The following PLXDC2 variants were observed in gnomAD, a reference collection of about 807,000 sequenced individuals.
PLXDC2 encodes the protein plexin domain containing 2.
A neutral mutation model predicts 68.9 loss-of-function variants in PLXDC2; 40 were observed. That is an observed-to-expected ratio of 0.58 (90% CI 0.45 to 0.76). The LOEUF (loss-of-function observed/expected upper bound fraction) is 0.76. Among genes scored for constraint, PLXDC2 ranks in the 30% least tolerant of loss-of-function variants. PLXDC2 has a pLI of 0.00. For synonymous variants in PLXDC2, 243 were observed against 234.2 expected, an observed-to-expected ratio of 1.04 and a Z score of -0.34; for missense variants, 644 against 661.9, an observed-to-expected ratio of 0.97 and a Z score of 0.30.
chr10:20,075,002 C>G (rs894017646), intron 4 of PLXDC2, among the ~76,000 whole-genome samples: 1 of 152,060 alleles, frequency 6.6e-6, no homozygotes, highest in Admixed American at 6.6e-5. Context: ...GTTACAAACT[C>G]AAGTCTCAAG....
At chr10:19,850,605 C>A (rs10827890) in intron 1 of PLXDC2, among the ~76,000 whole-genome samples, 6 of 152,018 alleles carry the variant, frequency 3.9e-5, no homozygotes, top group Non-Finnish European at 8.8e-5. Flanking sequence ...ACTTACACAC[C>A]CATACTAAGA....
intron 1 of PLXDC2, among the ~76,000 whole-genome samples, chr10:19,991,347 C>CT (rs35216913): frequency 0.42 from 56,267 of 135,288 alleles, 11,938 homozygotes; most frequent in African/African-American, 0.53. Flanking sequence ...ATCATTTTCC[C>CT]TTTTTTTTTT....
chr10:20,205,296 G>C (rs376260559), intron 9 of PLXDC2, among the ~76,000 whole-genome samples: 1 of 152,188 alleles, frequency 6.6e-6, no homozygotes, highest in South Asian at 2.1e-4. Flanking sequence ...TTGAAGTACT[G>C]TATAGCTCTC....
At position 20,014,374 on chromosome 10, in the gene PLXDC2, CCTTCCTTG is replaced by C. The variant is rs1414178417; in HGVS notation, c.324+12396_324+12403del. Reference sequence around the variant, plus strand: ...CTTCCCTTTCCTTCCTTCCTTCCTTCCTTCCTTGCTTCCTTCCTTCCTTCCTTCCTTCC... The same window carrying C: ...CTTCCCTTTCCTTCCTTCCTTCCTTCCTTCCTTCCTTCCTTCCTTCCTTCC... On this transcript the variant is annotated intron_variant, in intron 2 of 13. Coordinates refer to ENST00000377252, the MANE Select transcript of PLXDC2 (RefSeq NM_032812.9). Among the ~76,000 whole-genome samples the C allele has an allele frequency of 3.8e-3, 265 of 69,284 alleles. 2 individuals carry two copies. Among genetic ancestry groups the C allele is most frequent in the African/African-American group, 0.011 (231 of 21,018 alleles). The allele number at this position is 69,284 out of a possible 152,430, so 45.5% of individuals were successfully genotyped here. A position where few individuals can be genotyped will look rare whatever the true frequency, so the allele number is the denominator to read the frequency against.
chr10:20,128,410 C>A (rs1434773107), intron 4 of PLXDC2, among the ~76,000 whole-genome samples: 6 of 152,052 alleles, frequency 3.9e-5, no homozygotes, highest in Non-Finnish European at 8.8e-5. Flanking sequence ...ATTTAAGATG[C>A]ACAATATAGT....
intron 1 of PLXDC2, among the ~76,000 whole-genome samples, chr10:19,978,983 C>A (rs745558185): frequency 6.6e-6 from 1 of 152,082 alleles, no homozygotes; most frequent in African/African-American, 2.4e-5. Context: ...TATATGTATG[C>A]ATGTATATAT....
At chr10:20,142,617 A>C (rs1834021514) in intron 4 of PLXDC2, among the ~76,000 whole-genome samples, 2 of 152,128 alleles carry the variant, frequency 1.3e-5, no homozygotes, top group African/African-American at 4.8e-5. Flanking sequence ...TCCAACTGCT[A>C]GAATAGACTG....
chr10:19,913,528 A>C (rs1455464749), intron 1 of PLXDC2, among the ~76,000 whole-genome samples: 2 of 152,224 alleles, frequency 1.3e-5, no homozygotes, highest in Non-Finnish European at 2.9e-5. Context: ...TAGATGTTTC[A>C]AATTTCAACT....
chr10:19,915,049 AT>A (rs897159721), intron 1 of PLXDC2, among the ~76,000 whole-genome samples: 2 of 152,098 alleles, frequency 1.3e-5, no homozygotes, highest in East Asian at 1.9e-4. Context: ...TTGATGAGTC[AT>A]TTTTTTTAAA....
At chr10:19,935,838 AAAG>A (rs1441219082) in intron 1 of PLXDC2, among the ~76,000 whole-genome samples, 1 of 152,212 alleles carries the variant, frequency 6.6e-6, no homozygotes, top group African/African-American at 2.4e-5. Flanking sequence ...CCGGCAGACT[AAAG>A]AAGTGAACAT....
intron 4 of PLXDC2, among the ~76,000 whole-genome samples, chr10:20,104,652 GT>G (rs2131742458): frequency 6.6e-6 from 1 of 152,084 alleles, no homozygotes; most frequent in South Asian, 2.1e-4. Context: ...TGGCACGTGG[GT>G]TTTCTCTCAC....
chr10:20,234,314 C>T (rs1484066667), intron 12 of PLXDC2, among the ~76,000 whole-genome samples: 2 of 152,182 alleles, frequency 1.3e-5, no homozygotes, highest in East Asian at 3.8e-4. Context: ...CGCACTCCCT[C>T]AACTAAACGT....
intron 9 of PLXDC2, among the ~76,000 whole-genome samples, chr10:20,192,710 A>G (rs74748225): frequency 0.1 from 15,385 of 152,122 alleles, 951 homozygotes; most frequent in Non-Finnish European, 0.14. Flanking sequence ...AAAAGAGAGA[A>G]TAATCTTTGA....
At chr10:20,189,440 A>G (rs1245337067) in intron 9 of PLXDC2, among the ~76,000 whole-genome samples, 1 of 142,790 alleles carries the variant, frequency 7.0e-6, no homozygotes, top group Non-Finnish European at 1.5e-5. Context: ...AACCATCGAT[A>G]AACAAAGGAA....
intron 1 of PLXDC2, among the ~76,000 whole-genome samples, chr10:19,884,669 C>T (rs1328409773): frequency 4.6e-5 from 7 of 152,180 alleles, no homozygotes; most frequent in South Asian, 2.1e-4. Flanking sequence ...CATGTCCCTA[C>T]GAAGGACATG....
At chr10:20,198,837 T>A (rs1834877384) in intron 9 of PLXDC2, among the ~76,000 whole-genome samples, 1 of 152,160 alleles carries the variant, frequency 6.6e-6, no homozygotes, top group South Asian at 2.1e-4. Context: ...CGATTAATGA[T>A]TTATTCTCCC....
chr10:19,889,289 C>T (rs1477877772), intron 1 of PLXDC2, among the ~76,000 whole-genome samples: 1 of 151,854 alleles, frequency 6.6e-6, no homozygotes, highest in African/African-American at 2.4e-5. Context: ...ATTTTTATTT[C>T]TCTTAATGAC....
intron 1 of PLXDC2, among the ~76,000 whole-genome samples, chr10:19,914,582 T>A (rs888039472): frequency 1.8e-4 from 28 of 152,194 alleles, no homozygotes; most frequent in African/African-American, 6.8e-4. Context: ...GCCAAAGCAT[T>A]TATAGCATAG....
At chr10:19,889,076 T>C (rs1837900975) in intron 1 of PLXDC2, among the ~76,000 whole-genome samples, 1 of 152,052 alleles carries the variant, frequency 6.6e-6, no homozygotes. Context: ...TTTATGATAA[T>C]ATAATAGAGC....
Sources: allele counts gnomAD v4.1 joint callset (sites outside exome capture counted in the v4.1 genomes callset), GRCh38; gene constraint gnomAD v4.1.1; transcripts MANE v1.5; gene names NCBI Gene and HGNC (gene_info 2026-07-23, HGNC 2026-07-21).